The following FHIT variants were observed in gnomAD, a reference collection of about 807,000 sequenced individuals.
FHIT encodes the protein fragile histidine triad diadenosine triphosphatase.
A neutral mutation model predicts 17.9 loss-of-function variants in FHIT; 19 were observed. The observed-to-expected ratio is 1.06, with a 90% CI of 0.74 to 1.56. FHIT has a LOEUF of 1.56. Ranked by LOEUF, FHIT falls within the 40% of genes most tolerant of loss-of-function variation. FHIT has a pLI of 0.00. For synonymous variants in FHIT, 81 were observed against 69.7 expected (o/e 1.16, Z -0.81); for missense variants, 248 against 189.2 (o/e 1.31, Z -1.82).
intron 5 of FHIT, among the ~76,000 whole-genome samples, chr3:60,058,426 C>T (rs1023157431): frequency 1.3e-5 from 2 of 152,058 alleles, no homozygotes; most frequent in Non-Finnish European, 2.9e-5. Context: ...ACCGTGCTGA[C>T]CGTGTACAGA....
chr3:61,013,688 A>C (rs1428273959), intron 3 of FHIT, among the ~76,000 whole-genome samples: 1 of 152,212 alleles, frequency 6.6e-6, no homozygotes, highest in African/African-American at 2.4e-5. Context: ...GGAGGTGGAT[A>C]ATTTAAAGCA....
chr3:60,964,429 T>C (rs1209042293), intron 3 of FHIT, among the ~76,000 whole-genome samples: 3 of 152,218 alleles, frequency 2.0e-5, no homozygotes, highest in Non-Finnish European at 4.4e-5. Context: ...TTAGTCCATT[T>C]ACATTTAAGG....
At chr3:61,052,457 A>G (rs562895649) in intron 2 of FHIT, among the ~76,000 whole-genome samples, 6 of 152,218 alleles carry the variant, frequency 3.9e-5, no homozygotes, top group African/African-American at 1.4e-4. Flanking sequence ...TCACCTAAAT[A>G]CACAAGTGTT....
At chr3:61,045,942 G>A (rs765269597) in intron 2 of FHIT, among the ~76,000 whole-genome samples, 2 of 152,154 alleles carry the variant, frequency 1.3e-5, no homozygotes, top group South Asian at 2.1e-4. Flanking sequence ...TGAAACCAAC[G>A]AGAACAAAGA....
chr3:60,440,283 G>A (rs1336194046), intron 5 of FHIT, among the ~76,000 whole-genome samples: 3 of 151,902 alleles, frequency 2.0e-5, no homozygotes, highest in Non-Finnish European at 4.4e-5. Flanking sequence ...TCCCAATCAG[G>A]GAAATTGGGC....
At chr3:61,186,498 T>C (rs1014258983) in intron 2 of FHIT, among the ~76,000 whole-genome samples, 1 of 152,206 alleles carries the variant, frequency 6.6e-6, no homozygotes, top group African/African-American at 2.4e-5. Flanking sequence ...CGGGTAGCCA[T>C]AGCTGGCTGG....
At chr3:60,272,920 T>G (rs1282151485) in intron 5 of FHIT, among the ~76,000 whole-genome samples, 1 of 152,248 alleles carries the variant, frequency 6.6e-6, no homozygotes, top group East Asian at 1.9e-4. Context: ...CTTGAGTTGG[T>G]CCTTGAAGGT....
At chr3:60,860,414 T>TC (rs1703659122) in intron 3 of FHIT, among the ~76,000 whole-genome samples, 1 of 139,914 alleles carries the variant, frequency 7.1e-6, no homozygotes, top group Non-Finnish European at 1.6e-5. Flanking sequence ...ACATACATCA[T>TC]ATGTATATAT....
chr3:59,955,682 A>G (rs551882160), intron 7 of FHIT, among the ~76,000 whole-genome samples: 1 of 152,310 alleles, frequency 6.6e-6, no homozygotes, highest in South Asian at 2.1e-4. Flanking sequence ...CTTAAATGGT[A>G]TTGATACTCA....
At position 60,412,652 on chromosome 3, in the gene FHIT, T is replaced by C. The variant is rs550408707; in HGVS notation, c.103+124208A>G. Among the ~76,000 whole-genome samples, 4 of 152,198 alleles carry C rather than the reference T, an allele frequency of 2.6e-5. No homozygotes were observed. In the East Asian group the frequency reaches 7.7e-4, roughly 29 times the overall value. The stretch of plus-strand genomic sequence containing the variant: ...GTAGCCCATTTGCAGATGGGCAAAC[T>C]GTAACTCAAGGTTTCTCACCTAGGA... On this transcript the variant is annotated intron_variant, in intron 5 of 9. Coordinates refer to ENST00000492590, the MANE Select transcript of FHIT (RefSeq NM_002012.4).
At chr3:60,803,081 T>C (rs555000538) in intron 4 of FHIT, among the ~76,000 whole-genome samples, 1 of 152,268 alleles carries the variant, frequency 6.6e-6, no homozygotes, top group East Asian at 1.9e-4. Flanking sequence ...CCCTTGCCAT[T>C]TCTGGTGATC....
chr3:60,361,714 T>C (rs1172437376), intron 5 of FHIT, among the ~76,000 whole-genome samples: 1 of 152,096 alleles, frequency 6.6e-6, no homozygotes, highest in African/African-American at 2.4e-5. Context: ...AGAGACAGAT[T>C]TTACCCCTCA....
At chr3:60,624,846 T>C (rs1355276080) in intron 4 of FHIT, among the ~76,000 whole-genome samples, 4 of 152,178 alleles carry the variant, frequency 2.6e-5, no homozygotes, top group African/African-American at 9.6e-5. Flanking sequence ...TGACAGGATA[T>C]GCCATGTTTG....
chr3:60,730,162 G>A, intron 4 of FHIT: 1 of 433,882 alleles, frequency 2.3e-6, no homozygotes, highest in Non-Finnish European at 4.6e-6. Flanking sequence ...TGGGCTGTTT[G>A]TGTTGTCACT....
At chr3:61,196,468 A>G (rs1474161036) in intron 2 of FHIT, among the ~76,000 whole-genome samples, 5 of 152,210 alleles carry the variant, frequency 3.3e-5, no homozygotes, top group Non-Finnish European at 7.4e-5. Context: ...TGCAATCAAA[A>G]TGTCCATTTC....
Position 59,864,635 on chromosome 3 carries a change from G to A in FHIT, c.348+57711C>T, listed in dbSNP as rs554234296. Among the ~76,000 whole-genome samples the A allele has an allele frequency of 7.9e-5, 12 of 151,606 alleles. No individual in the cohort carries two copies. In the East Asian group the frequency reaches 2.1e-3, roughly 27 times the overall value. ...GCCCTATATCCTGTGGCCCTGGGCA[G>A]GTTAACACGACTTGCAGTTTCTTTG... On this transcript the variant is annotated intron_variant, in intron 8 of 9. Transcript: ENST00000492590.
At chr3:60,766,075 A>G (rs1462031382) in intron 4 of FHIT, among the ~76,000 whole-genome samples, 2 of 152,132 alleles carry the variant, frequency 1.3e-5, no homozygotes, top group East Asian at 1.9e-4. Context: ...CAGACAGCCT[A>G]TCCTGGGACT....
intron 5 of FHIT, among the ~76,000 whole-genome samples, chr3:60,195,559 ATT>A (rs55747122): frequency 2.0e-4 from 22 of 110,234 alleles, no homozygotes; most frequent in Admixed American, 8.3e-4. Flanking sequence ...ATATATATAT[ATT>A]TATATTTATA....
intron 2 of FHIT, among the ~76,000 whole-genome samples, chr3:61,097,002 C>T (rs2035660111): frequency 6.7e-6 from 1 of 150,260 alleles, no homozygotes; most frequent in Admixed American, 6.7e-5. Flanking sequence ...TCGATCAAAC[C>T]TGGGAGGGGG....
Sources: gnomAD v4.1 joint callset for allele counts (sites outside exome capture counted in the v4.1 genomes callset) on GRCh38, gnomAD v4.1.1 for gene constraint, MANE v1.5 for transcripts, NCBI Gene and HGNC (gene_info 2026-07-23, HGNC 2026-07-21) for gene names.